Variants in GCN1 observed in about 807,000 individuals in gnomAD.
GCN1 encodes GCN1 activator of EIF2AK4.
GCN1 carries 90 observed loss-of-function variants against 288.4 expected under a neutral mutation model. That is an observed-to-expected ratio of 0.31 (90% CI 0.26 to 0.37). The LOEUF (loss-of-function observed/expected upper bound fraction) is 0.37. GCN1 is among the 10% of genes least tolerant of loss of function. The probability of loss-of-function intolerance (pLI) is 1.00; values close to 1 mark genes in which losing one functional copy is unlikely to be tolerated. For missense variants in GCN1, 2,586 were observed against 3,419.9 expected, an observed-to-expected ratio of 0.76 and a Z score of 6.08; for synonymous variants, 1,386 against 1,420.2, an observed-to-expected ratio of 0.98 and a Z score of 0.54.
Position 120,129,507 on chromosome 12 carries a change from C to T in GCN1, c.7672-13G>A, listed in dbSNP as rs1363283532. ...GGTTCTGCAGACACTGTAAAAAGAA[C>T]CACAAACAGGCTTTTGGATAGGCAT... On this transcript the variant is annotated splice_polypyrimidine_tract_variant and intron_variant, in intron 56 of 57. Coordinates refer to ENST00000300648, the MANE Select transcript of GCN1 (RefSeq NM_006836.2). 7 of 1,594,676 alleles carry T rather than the reference C, an allele frequency of 4.4e-6. No individual in the cohort carries two copies. The highest frequency in any genetic ancestry group is 6.0e-6 in the Non-Finnish European group (7 of 1,162,392).
Position 120,183,593 on chromosome 12 carries a change from T to C in GCN1, c.402A>G (p.Arg134=). The part of the protein sequence containing the change: ...VRIVFPSRAK[R]QGDIWNKLVE... ...CCAGTTTGTTCCAGATGTCTCCTTGTCGCTTGGCTCTCGATGGAAAGACAA... is the reference window on the plus strand; with the variant it reads ...CCAGTTTGTTCCAGATGTCTCCTTGCCGCTTGGCTCTCGATGGAAAGACAA... Residue 134 remains arginine (R), a synonymous_variant, in exon 5 of 58, where the codon CGA becomes CGG. Transcript: ENST00000300648. 1.9e-6 allele frequency: 3 copies of C among 1,611,754 alleles called. No individual in the cohort carries two copies. Among genetic ancestry groups the C allele is most frequent in the African/African-American group, 1.3e-5 (1 of 74,976 alleles).
Position 120,153,836 on chromosome 12 carries a change from A to T in GCN1, c.3775T>A (p.Phe1259Ile), listed in dbSNP as rs1261922140. 1 of 1,614,142 alleles carries T rather than the reference A, an allele frequency of 6.2e-7. No individual in the cohort carries two copies. Among genetic ancestry groups the T allele is most frequent in the Admixed American group, 1.7e-5 (1 of 60,022 alleles). Residue 1259 changes from phenylalanine (F) to isoleucine (I), a missense_variant, in exon 32 of 58, where the codon TTT (phenylalanine) becomes ATT (isoleucine). By Grantham distance (21) the Phe-to-Ile change is conservative. This residue lies in a region of GCN1 where 332 missense variants were observed against 403.0 expected (regional missense o/e 0.82). Coordinates refer to ENST00000300648, the MANE Select transcript of GCN1 (RefSeq NM_006836.2). The surrounding 1 kb of genome is among the most constrained non-coding windows in gnomAD (Gnocchi z 4.4). ...TCATTGAGGGCATCAGGGACAAAAA[A>T]CTGAAAGAGTGGCTTCACCTGAGAG... ...DSSQVKPLFQ[F>I]FVPDALNDRH...
Position 120,129,334 on chromosome 12 carries a change from T to C in GCN1, c.7832A>G (p.Tyr2611Cys). The change falls in exon 57 of 58, where the codon TAC becomes TGC. Residue 2611 changes from tyrosine (Y) to cysteine (C), a missense_variant. Physicochemically the swap from Tyr to Cys is radical, Grantham distance 194 (BLOSUM62 -2). This residue lies in a region of GCN1 where 355 missense variants were observed against 431.1 expected (regional missense o/e 0.82). Coordinates refer to ENST00000300648, the MANE Select transcript of GCN1 (RefSeq NM_006836.2). ...TKDKNTVVRA[Y>C]SDQAIVNLLK... ...GAGGTTGACAATTGCCTGGTCGCTGTAGGCCCTGACCACGGTGTTCTTATC... is the reference window on the plus strand; with the variant it reads ...GAGGTTGACAATTGCCTGGTCGCTGCAGGCCCTGACCACGGTGTTCTTATC... 2 of 1,614,180 alleles carry C rather than the reference T, an allele frequency of 1.2e-6. No homozygotes were observed. Among genetic ancestry groups the C allele is most frequent in the Non-Finnish European group, 1.7e-6 (2 of 1,180,022 alleles).
In GCN1 at chr12:120,142,647, G is replaced by A; in HGVS notation, c.5689C>T (p.Gln1897Ter). ...AGGGACGCCTGCCGCACCACCAGCT[G>A]GGTGTCTGAGCGGCCCATGTACAGC... ...AGLYMGRSDT[Q>*]LVVRQASLHV... The change falls in exon 44 of 58, where the codon CAG becomes TAG. Residue 1897 changes from glutamine to a stop codon, truncating the protein, a stop_gained. Transcript: ENST00000300648. LOFTEE classifies it high-confidence loss of function. This position sits in a 1 kb window ranked among gnomAD's most constrained non-coding sequence, Gnocchi z 4.9. 6.2e-7 allele frequency: 1 copy of A among 1,614,042 alleles called. No homozygotes were observed. Among genetic ancestry groups the A allele is most frequent in the Non-Finnish European group, 8.5e-7 (1 of 1,180,014 alleles).
At chr12:120,138,160 C>T (rs540019255) in intron 47 of GCN1, 116 bp from the exon 48 acceptor site, 1 of 1,023,254 alleles carries the variant, frequency 9.8e-7, no homozygotes, top group East Asian at 2.5e-5. Flanking sequence ...CAAGCATCTA[C>T]TCCAGCATAT....
In GCN1 at chr12:120,156,987, G is replaced by C. The variant is rs1379624208; in HGVS notation, c.3093C>G (p.Gly1031=). The change falls in exon 27 of 58, where the codon GGC becomes GGG. Residue 1031 remains glycine, a synonymous_variant. Transcript: ENST00000300648. This position sits in a 1 kb window ranked among gnomAD's most constrained non-coding sequence, Gnocchi z 5.8. The part of the protein sequence containing the change: ...NTPPGRVDEN[G]PELLPRVAML... The stretch of plus-strand genomic sequence containing the variant: ...TGGCCACGCGAGGCAGCAACTCCGG[G>C]CCATTCTAGGAGAGAACGGCAGGTA... 6 of 1,610,896 alleles carry C rather than the reference G, an allele frequency of 3.7e-6. No homozygotes were observed. Among genetic ancestry groups the C allele is most frequent in the Non-Finnish European group, 5.1e-6 (6 of 1,177,356 alleles).
intron 1 of GCN1, among the ~76,000 whole-genome samples, chr12:120,192,904 C>T (rs1241936169): frequency 1.3e-5 from 2 of 151,246 alleles, no homozygotes; most frequent in African/African-American, 2.4e-5. Context: ...GGCATGGTGG[C>T]GCATGCCTGT....
intron 2 of GCN1, 104 bp from the exon 3 acceptor site, chr12:120,184,991 C>A (rs1228349329): frequency 1.4e-5 from 11 of 762,344 alleles, no homozygotes; most frequent in South Asian, 1.4e-4. Context: ...TGGACACTCC[C>A]CATATATTTA....
chr12:120,137,128 G>A lies in GCN1; in HGVS notation c.6777+78C>T. 9.8e-7 allele frequency: 1 copy of A among 1,023,498 alleles called. No homozygotes were observed. Among genetic ancestry groups the A allele is most frequent in the East Asian group, 2.4e-5 (1 of 41,864 alleles). 63.4% of individuals were successfully genotyped at this position (1,023,498 alleles called of 1,614,324 possible). A position where few individuals can be genotyped will look rare whatever the true frequency, so the allele number is the denominator to read the frequency against. On this transcript the variant is annotated intron_variant, in intron 50 of 57. Coordinates refer to ENST00000300648, the MANE Select transcript of GCN1 (RefSeq NM_006836.2). The surrounding 1 kb of genome is among the most constrained non-coding windows in gnomAD (Gnocchi z 5.2). Reference sequence around the variant, plus strand: ...TACTGCTCCAGCAGCCCCTACCGCAGACCTGGGACAGGGGTAAGGGCCAGA... The same window carrying A: ...TACTGCTCCAGCAGCCCCTACCGCAAACCTGGGACAGGGGTAAGGGCCAGA...
chr12:120,187,591 G>A lies in GCN1; in HGVS notation c.122-2704C>T, dbSNP rs184685324. ...CGTTAAAACACAAATGCTGGGTTCT[G>A]TGCCCAAACTTTTTTTTTTGACACA... On this transcript the variant is annotated intron_variant, in intron 2 of 57. Transcript: ENST00000300648. Among the ~76,000 whole-genome samples the A allele has an allele frequency of 6.6e-5, 10 of 151,756 alleles. No individual in the cohort carries two copies. In the East Asian group the frequency reaches 1.9e-3, roughly 30 times the overall value.
At position 120,155,965 on chromosome 12, in the gene GCN1, TC is replaced by T. The variant is rs1877733808; in HGVS notation, c.3313-247del. 6.6e-6 allele frequency among the ~76,000 whole-genome samples: 1 copy of T among 152,198 alleles called. No individual in the cohort carries two copies. Among genetic ancestry groups the T allele is most frequent in the African/African-American group, 2.4e-5 (1 of 41,446 alleles). On this transcript the variant is annotated intron_variant, in intron 28 of 57. Transcript: ENST00000300648. This position sits in a 1 kb window ranked among gnomAD's most constrained non-coding sequence, Gnocchi z 4.9. ...GATAAAAACCTCAGAAAAAGCGTATTCCTTTTGTTCAAAAAAATTTTAAGGA... is the reference window on the plus strand; with the variant it reads ...GATAAAAACCTCAGAAAAAGCGTATTCTTTTGTTCAAAAAAATTTTAAGGA...
intron 45 of GCN1, 195 bp from the exon 46 acceptor site, chr12:120,139,051 T>G (rs1877105679): frequency 4.6e-6 from 2 of 437,790 alleles, no homozygotes; most frequent in African/African-American, 4.0e-5. Flanking sequence ...GGCTCACACC[T>G]GTAATCCCAG....
At chr12:120,139,848 C>T (rs747711692) in intron 45 of GCN1, among the ~76,000 whole-genome samples, 1 of 152,212 alleles carries the variant, frequency 6.6e-6, no homozygotes, top group African/African-American at 2.4e-5. Flanking sequence ...AAGTCTCAAT[C>T]CAGACTTTGT....
At chr12:120,191,076 T>C (rs1878989230) in intron 1 of GCN1, among the ~76,000 whole-genome samples, 1 of 152,152 alleles carries the variant, frequency 6.6e-6, no homozygotes, top group African/African-American at 2.4e-5. Context: ...TTAAATGAGA[T>C]TGCGTATAAG....
At chr12:120,130,837 G>C in intron 55 of GCN1, 84 bp from the exon 56 acceptor site, 1 of 797,766 alleles carries the variant, frequency 1.3e-6, no homozygotes. Flanking sequence ...GTAATCTCCA[G>C]GACCCTCCAC....
intron 55 of GCN1, among the ~76,000 whole-genome samples, 199 bp downstream of exon 55, chr12:120,130,986 C>G (rs1191602030): frequency 6.6e-6 from 1 of 152,198 alleles, no homozygotes; most frequent in South Asian, 2.1e-4. Flanking sequence ...GATTCTTCAA[C>G]CCAAATTCCT....
chr12:120,162,229 C>A (rs1291416525), intron 20 of GCN1, 171 bp from the exon 21 acceptor site: 2 of 606,456 alleles, frequency 3.3e-6, no homozygotes, highest in African/African-American at 3.7e-5. Context: ...GCTTTCCTCA[C>A]CAAGCAGTGC....
At chr12:120,175,325 C>A in intron 11 of GCN1, 113 bp from the exon 12 acceptor site, 1 of 1,008,184 alleles carries the variant, frequency 9.9e-7, no homozygotes, top group Non-Finnish European at 1.6e-6. Flanking sequence ...CCAGAAGTAG[C>A]CTTTGTGTTG....
intron 5 of GCN1, among the ~76,000 whole-genome samples, chr12:120,179,558 C>A (rs1469394018): frequency 6.6e-6 from 1 of 152,052 alleles, no homozygotes; most frequent in Non-Finnish European, 1.5e-5. Context: ...CACCACCATG[C>A]CCACCTAATT....
Sources: allele counts gnomAD v4.1 joint callset (sites outside exome capture counted in the v4.1 genomes callset), GRCh38; gene constraint gnomAD v4.1.1; regional missense constraint gnomAD v4.1.1; non-coding constraint Gnocchi (gnomAD v3.1); transcripts MANE v1.5; gene names NCBI Gene and HGNC (gene_info 2026-07-23, HGNC 2026-07-21).